Variants in CSTPP1 observed in about 807,000 individuals in gnomAD.
CSTPP1 encodes the protein centriolar satellite-associated tubulin polyglutamylase complex regulator 1, also known as UPF0705 protein C11orf49.
At chr11:46,942,234 A>G in the CSTPP1 span, among the ~76,000 whole-genome samples, 1 of 152,316 alleles carries the variant, frequency 6.6e-6, no homozygotes, top group South Asian at 2.1e-4. Flanking sequence ...TAAGGAGATG[A>G]AATAAGTATA....
the CSTPP1 span, among the ~76,000 whole-genome samples, chr11:47,133,706 G>A: frequency 1.3e-5 from 2 of 152,346 alleles, no homozygotes; most frequent in South Asian, 2.1e-4. Context: ...TTAGTTTGGA[G>A]GGGAAAACAA....
the CSTPP1 span, among the ~76,000 whole-genome samples, chr11:46,978,965 A>T: frequency 6.6e-6 from 1 of 152,232 alleles, no homozygotes. Context: ...TTTTTAATGT[A>T]AAATGCCAAG....
At chr11:46,996,952 G>A in the CSTPP1 span, among the ~76,000 whole-genome samples, 1 of 152,128 alleles carries the variant, frequency 6.6e-6, no homozygotes, top group African/African-American at 2.4e-5. Flanking sequence ...TTCCCTTTGC[G>A]GGTAACCCGA....
chr11:47,008,246 T>C, the CSTPP1 span, among the ~76,000 whole-genome samples: 1 of 152,164 alleles, frequency 6.6e-6, no homozygotes, highest in Non-Finnish European at 1.5e-5. Flanking sequence ...ATTACAGGTG[T>C]GAGCCACCGC....
chr11:47,124,719 A>G, the CSTPP1 span, among the ~76,000 whole-genome samples: 1 of 152,206 alleles, frequency 6.6e-6, no homozygotes. Context: ...CAGTGAGTAA[A>G]ACCAGACTTT....
chr11:46,970,726 G>A, the CSTPP1 span, among the ~76,000 whole-genome samples: 7 of 151,944 alleles, frequency 4.6e-5, no homozygotes, highest in Non-Finnish European at 8.8e-5. Context: ...TGAATATGAT[G>A]AATAAAGCTT....
the CSTPP1 span, among the ~76,000 whole-genome samples, chr11:47,091,323 G>A: frequency 3.3e-5 from 5 of 151,124 alleles, no homozygotes; most frequent in Admixed American, 2.6e-4. Flanking sequence ...GCAGTGAGCC[G>A]AGGTCACACC....
the CSTPP1 span, chr11:46,948,008 T>C: frequency 2.2e-6 from 1 of 455,604 alleles, no homozygotes; most frequent in Non-Finnish European, 4.4e-6. Context: ...AATGGGAAAA[T>C]TCTGTATTTT....
chr11:47,052,498 G>C, the CSTPP1 span: 5 of 1,613,736 alleles, frequency 3.1e-6, no homozygotes, highest in South Asian at 5.5e-5. Context: ...AGATGCTTCC[G>C]AACTGTGGGC....
chr11:47,052,693 C>T, the CSTPP1 span: 265 of 829,804 alleles, frequency 3.2e-4, no homozygotes, highest in South Asian at 1.6e-3. Context: ...ATTTAGAATA[C>T]CTCACTTTTG....
the CSTPP1 span, among the ~76,000 whole-genome samples, chr11:46,942,507 C>T: frequency 6.6e-6 from 1 of 152,166 alleles, no homozygotes; most frequent in Non-Finnish European, 1.5e-5. Flanking sequence ...CTCCAAGTTG[C>T]CTCTTCTTTT....
the CSTPP1 span, among the ~76,000 whole-genome samples, chr11:47,154,650 G>A: frequency 3.9e-5 from 6 of 152,258 alleles, no homozygotes; most frequent in East Asian, 9.7e-4. Flanking sequence ...GTGCCCCAGG[G>A]TGGCGGTGTC....
chr11:47,081,206 A>T, the CSTPP1 span, among the ~76,000 whole-genome samples: 3 of 152,088 alleles, frequency 2.0e-5, no homozygotes, highest in Admixed American at 6.6e-5. Flanking sequence ...CCTAAAAAAA[A>T]CCAATAGGAC....
chr11:47,029,284 G>A, the CSTPP1 span, among the ~76,000 whole-genome samples: 1 of 151,950 alleles, frequency 6.6e-6, no homozygotes, highest in Non-Finnish European at 1.5e-5. Flanking sequence ...TTTTCCTTCT[G>A]TTTATAGAAG....
At chr11:46,941,840 C>T in the CSTPP1 span, among the ~76,000 whole-genome samples, 2 of 152,278 alleles carry the variant, frequency 1.3e-5, no homozygotes, top group African/African-American at 4.8e-5. Context: ...CTGGAAAGCC[C>T]TAGGCATTCA....
chr11:47,164,326 G>A, the CSTPP1 span: 1 of 1,449,934 alleles, frequency 6.9e-7, no homozygotes, highest in Non-Finnish European at 9.2e-7. Flanking sequence ...AGGGAGCCAG[G>A]CCCTGCAGGG....
the CSTPP1 span, among the ~76,000 whole-genome samples, chr11:47,163,302 T>C: frequency 1.3e-5 from 2 of 151,738 alleles, no homozygotes; most frequent in Non-Finnish European, 2.9e-5. Context: ...CTACTGACGA[T>C]GCAAATTACC....
chr11:47,061,662 T>G, the CSTPP1 span, among the ~76,000 whole-genome samples: 2 of 152,186 alleles, frequency 1.3e-5, no homozygotes, highest in African/African-American at 4.8e-5. Flanking sequence ...CCAATTATCT[T>G]CACCTGCTCC....
At chr11:47,048,539 C>T in the CSTPP1 span, among the ~76,000 whole-genome samples, 1 of 151,978 alleles carries the variant, frequency 6.6e-6, no homozygotes, top group Non-Finnish European at 1.5e-5. Flanking sequence ...GCTACATGTA[C>T]GGCCCTTGAA....
Sources: allele counts gnomAD v4.1 joint callset (sites outside exome capture counted in the v4.1 genomes callset), GRCh38; gene constraint gnomAD v4.1.1; transcripts MANE v1.5; gene names NCBI Gene and HGNC (gene_info 2026-07-23, HGNC 2026-07-21).